Variants in MRTFA observed in about 807,000 individuals in gnomAD.
MRTFA encodes myocardin-related transcription factor A.
Under a neutral mutation model 83.5 loss-of-function variants are expected in MRTFA, and 20 were observed. The ratio of observed to expected loss-of-function variants is 0.24; its 90% CI spans 0.17 to 0.35. The LOEUF (loss-of-function observed/expected upper bound fraction) is 0.35, where lower values mean the gene tolerates loss of function less well. Among genes scored for constraint, MRTFA ranks in the 10% least tolerant of loss-of-function variants. The pLI, the probability that MRTFA is intolerant of heterozygous loss-of-function variation, is 1.00. For synonymous variants in MRTFA, 659 were observed against 541.2 expected, an observed-to-expected ratio of 1.22 and a Z score of -3.02; for missense variants, 1,200 against 1,224.7, an observed-to-expected ratio of 0.98 and a Z score of 0.30.
intron 2 of MRTFA, among the ~76,000 whole-genome samples, chr22:40,568,027 AAG>A (rs1410802353): frequency 1.3e-5 from 2 of 152,222 alleles, no homozygotes; most frequent in African/African-American, 4.8e-5. Flanking sequence ...ATAATTTTGT[AAG>A]AGTATCCAAA....
At chr22:40,447,949 T>C (rs1167914400) in intron 4 of MRTFA, among the ~76,000 whole-genome samples, 1 of 152,122 alleles carries the variant, frequency 6.6e-6, no homozygotes, top group South Asian at 2.1e-4. Context: ...TTCCAACACT[T>C]TGGGAGGCCA....
chr22:40,481,015 C>G, intron 3 of MRTFA, among the ~76,000 whole-genome samples: 1 of 151,890 alleles, frequency 6.6e-6, no homozygotes. Context: ...GCCTGTAGTC[C>G]TAGCTGCTCC....
intron 4 of MRTFA, among the ~76,000 whole-genome samples, chr22:40,439,504 CAAAAAAAA>C (rs756033541): frequency 9.0e-4 from 29 of 32,150 alleles, no homozygotes; most frequent in Admixed American, 1.8e-3. Context: ...GACTCTGTCT[CAAAAAAAA>C]AAAAAAAAAA....
intron 1 of MRTFA, among the ~76,000 whole-genome samples, chr22:40,620,154 T>A (rs1057463455): frequency 1.3e-5 from 2 of 150,602 alleles, no homozygotes; most frequent in African/African-American, 2.4e-5. Flanking sequence ...AGACAGAGTT[T>A]TGCTCTTGTT....
intron 9 of MRTFA, among the ~76,000 whole-genome samples, chr22:40,422,528 C>T (rs1292100511): frequency 6.6e-6 from 1 of 152,238 alleles, no homozygotes; most frequent in Non-Finnish European, 1.5e-5. Flanking sequence ...GCAGGCAGTG[C>T]TGAAAGCAGG....
chr22:40,508,362 A>G (rs2054613643), intron 3 of MRTFA, among the ~76,000 whole-genome samples: 1 of 151,794 alleles, frequency 6.6e-6, no homozygotes. Context: ...GTACAAAAAA[A>G]CTAGCTGGGC....
chr22:40,621,746 G>A (rs1012220046), intron 1 of MRTFA, among the ~76,000 whole-genome samples: 2 of 152,134 alleles, frequency 1.3e-5, no homozygotes, highest in Non-Finnish European at 2.9e-5. Context: ...GCAGAGTCTC[G>A]AGTAAAAGAA....
At chr22:40,630,498 G>A (rs1026052914) in intron 1 of MRTFA, among the ~76,000 whole-genome samples, 1 of 152,058 alleles carries the variant, frequency 6.6e-6, no homozygotes, top group African/African-American at 2.4e-5. Flanking sequence ...ACTTCAACTT[G>A]GAGAAAGCTG....
chr22:40,534,109 T>C (rs146229275), intron 3 of MRTFA, among the ~76,000 whole-genome samples: 1 of 152,320 alleles, frequency 6.6e-6, no homozygotes. Context: ...GCAGTCCAAT[T>C]ACTGACCCAT....
intron 2 of MRTFA, among the ~76,000 whole-genome samples, chr22:40,562,722 G>A (rs1319288830): frequency 7.2e-5 from 6 of 82,906 alleles, no homozygotes; most frequent in African/African-American, 1.4e-4. Context: ...GGGGAAGGGG[G>A]AAGGGGGAAG....
chr22:40,484,590 G>C (rs543305234), intron 3 of MRTFA, among the ~76,000 whole-genome samples: 1 of 152,214 alleles, frequency 6.6e-6, no homozygotes, highest in East Asian at 1.9e-4. Flanking sequence ...TTTGCAAATG[G>C]AACATTTCAC....
intron 3 of MRTFA, among the ~76,000 whole-genome samples, chr22:40,478,247 A>T (rs2054030163): frequency 6.6e-6 from 1 of 152,160 alleles, no homozygotes; most frequent in African/African-American, 2.4e-5. Context: ...CCTAGATTGG[A>T]TCTGGGAACT....
intron 2 of MRTFA, among the ~76,000 whole-genome samples, chr22:40,577,235 TAA>T (rs760829183): frequency 2.6e-4 from 17 of 64,458 alleles, no homozygotes; most frequent in Admixed American, 5.8e-4. Context: ...GACCCTTGTC[TAA>T]AAAAAAAAAA....
At chr22:40,420,707 C>T in intron 10 of MRTFA, 131 bp from the exon 11 acceptor site, 2 of 1,533,114 alleles carry the variant, frequency 1.3e-6, no homozygotes, top group Non-Finnish European at 1.8e-6. Context: ...GCTAGGGTGG[C>T]CCTGCCTGCA....
chr22:40,481,747 A>C (rs1314728522), intron 3 of MRTFA, among the ~76,000 whole-genome samples: 2 of 152,182 alleles, frequency 1.3e-5, no homozygotes, highest in Non-Finnish European at 2.9e-5. Context: ...TTGCCTTGAA[A>C]AGAAAACTAA....
rs370061905 is a variant in MRTFA at position 40,418,514 on chromosome 22, G to A, written c.2224C>T (p.Leu742=). ...ATGAGGCTGGGGCCCTGAGGCCCCA[G>A]AAGCAACTGGGGGGCGGGGACCGGC... The change falls in exon 12 of 15, where the codon CTG becomes TTG. Residue 742 remains leucine, a synonymous_variant. Transcript: ENST00000355630. The A allele has an allele frequency of 6.3e-6, 10 of 1,595,650 alleles. No homozygotes were observed. The highest frequency in any genetic ancestry group is 4.3e-6 in the Non-Finnish European group (5 of 1,174,446).
At chr22:40,419,791 C>T (rs1173197520) in intron 11 of MRTFA, among the ~76,000 whole-genome samples, 1 of 152,212 alleles carries the variant, frequency 6.6e-6, no homozygotes, top group Non-Finnish European at 1.5e-5. Context: ...GAGCTTGGTC[C>T]AATCCATCTT....
intron 1 of MRTFA, among the ~76,000 whole-genome samples, chr22:40,608,203 C>T (rs1040646487): frequency 1.3e-5 from 2 of 151,992 alleles, no homozygotes; most frequent in Admixed American, 6.6e-5. Flanking sequence ...AGGGACGGGA[C>T]GGTGTTTCAC....
chr22:40,611,123 G>T (rs767180003), intron 1 of MRTFA, among the ~76,000 whole-genome samples: 31 of 152,116 alleles, frequency 2.0e-4, no homozygotes, highest in Middle Eastern at 3.4e-3. Flanking sequence ...ATTTTTAGTA[G>T]AGAAGGGGTT....
Sources: allele counts gnomAD v4.1 joint callset (sites outside exome capture counted in the v4.1 genomes callset), GRCh38; gene constraint gnomAD v4.1.1; transcripts MANE v1.5; gene names NCBI Gene and HGNC (gene_info 2026-07-23, HGNC 2026-07-21).